Variants in LRP1B observed in about 807,000 individuals in gnomAD.
LRP1B encodes the protein LDL receptor related protein 1B.
Under a neutral mutation model 556.6 loss-of-function variants are expected in LRP1B, and 217 were observed. The ratio of observed to expected loss-of-function variants is 0.39; its 90% CI spans 0.35 to 0.44. The LOEUF (loss-of-function observed/expected upper bound fraction) is 0.44, where lower values mean the gene tolerates loss of function less well. Ranked by LOEUF, LRP1B falls within the 20% of genes least tolerant of loss-of-function variation. LRP1B has a pLI of 1.00. For synonymous variants in LRP1B, 2,047 were observed against 1,865.8 expected (o/e 1.10, Z -2.50); for missense variants, 5,053 against 5,620.8 (o/e 0.90, Z 3.23).
At chr2:141,969,016 T>A (rs1701645159) in intron 1 of LRP1B, among the ~76,000 whole-genome samples, 1 of 151,598 alleles carries the variant, frequency 6.6e-6, no homozygotes, top group Non-Finnish European at 1.5e-5. Flanking sequence ...CATACATTCA[T>A]GCATTCAATC....
intron 2 of LRP1B, among the ~76,000 whole-genome samples, chr2:141,516,539 T>C (rs568787712): frequency 6.6e-6 from 1 of 152,272 alleles, no homozygotes; most frequent in Non-Finnish European, 1.5e-5. Flanking sequence ...CTCAATCCAA[T>C]ATGATTTGTT....
chr2:141,324,543 G>A (rs189523693), intron 3 of LRP1B, among the ~76,000 whole-genome samples: 27 of 152,166 alleles, frequency 1.8e-4, no homozygotes, highest in African/African-American at 6.5e-4. Flanking sequence ...ATTTAGATCA[G>A]ATTAAGAGGA....
At chr2:141,957,297 A>C (rs1701281166) in intron 1 of LRP1B, among the ~76,000 whole-genome samples, 1 of 149,432 alleles carries the variant, frequency 6.7e-6, no homozygotes, top group Non-Finnish European at 1.5e-5. Flanking sequence ...GCTGAATATC[A>C]GAATCACTTG....
intron 11 of LRP1B, among the ~76,000 whole-genome samples, chr2:141,024,106 A>AAAT (rs1457679041): frequency 6.6e-6 from 1 of 152,034 alleles, no homozygotes; most frequent in Non-Finnish European, 1.5e-5. Flanking sequence ...CTGAGGCCAT[A>AAAT]AATAGCTCAT....
chr2:141,432,082 T>C (rs1680582154), intron 3 of LRP1B, among the ~76,000 whole-genome samples: 1 of 152,156 alleles, frequency 6.6e-6, no homozygotes, highest in Non-Finnish European at 1.5e-5. Context: ...ACCAAGTATG[T>C]TGTCACCTGT....
intron 3 of LRP1B, among the ~76,000 whole-genome samples, chr2:141,323,756 G>A (rs1415147734): frequency 6.6e-6 from 1 of 151,904 alleles, no homozygotes; most frequent in Admixed American, 6.6e-5. Flanking sequence ...TAGTTTTCTG[G>A]TCCAGTGGAG....
chr2:142,111,910 A>G (rs1360980705), intron 1 of LRP1B, among the ~76,000 whole-genome samples: 1 of 152,148 alleles, frequency 6.6e-6, no homozygotes, highest in Non-Finnish European at 1.5e-5. Context: ...CATTTTATAG[A>G]TAAGAAAATA....
At chr2:141,368,205 A>C (rs144144700) in intron 3 of LRP1B, among the ~76,000 whole-genome samples, 1 of 152,294 alleles carries the variant, frequency 6.6e-6, no homozygotes, top group East Asian at 1.9e-4. Flanking sequence ...TGAATTGTGG[A>C]ATGTCTTAAG....
chr2:140,418,005 A>T (rs76777828), intron 66 of LRP1B, among the ~76,000 whole-genome samples: 2,955 of 152,280 alleles, frequency 0.019, 46 homozygotes, highest in Non-Finnish European at 0.023. Context: ...AACTTCAGAG[A>T]TTTCTTTTAG....
At chr2:141,629,096 AT>A (rs1422515789) in intron 2 of LRP1B, among the ~76,000 whole-genome samples, 1 of 152,108 alleles carries the variant, frequency 6.6e-6, no homozygotes. Context: ...TCTAAGGGCT[AT>A]TTTTTTTCCA....
At chr2:140,909,739 T>C (rs1694361187) in intron 21 of LRP1B, among the ~76,000 whole-genome samples, 1 of 150,862 alleles carries the variant, frequency 6.6e-6, no homozygotes, top group South Asian at 2.1e-4. Flanking sequence ...AATTATAAAA[T>C]CAATTAAAAT....
At chr2:141,919,669 C>T (rs1178691757) in intron 1 of LRP1B, among the ~76,000 whole-genome samples, 1 of 151,928 alleles carries the variant, frequency 6.6e-6, no homozygotes, top group African/African-American at 2.4e-5. Flanking sequence ...GGCATGACAG[C>T]ATTAATAATG....
chr2:141,175,252 G>A (rs183442833), intron 7 of LRP1B, among the ~76,000 whole-genome samples: 92 of 152,222 alleles, frequency 6.0e-4, no homozygotes, highest in Admixed American at 3.8e-3. Context: ...TTTCTGGGGA[G>A]AAATGCAAGG....
intron 3 of LRP1B, among the ~76,000 whole-genome samples, chr2:141,278,113 A>C (rs1424912731): frequency 6.6e-6 from 1 of 152,168 alleles, no homozygotes. Context: ...AGTTGTCTCA[A>C]ATTTCCTTTC....
chr2:140,657,349 G>A (rs1005890140), intron 41 of LRP1B, among the ~76,000 whole-genome samples: 1 of 151,874 alleles, frequency 6.6e-6, no homozygotes, highest in East Asian at 1.9e-4. Context: ...AGAAAGAGAG[G>A]CCCAGAAACT....
At chr2:141,416,720 A>G (rs1691122410) in intron 3 of LRP1B, among the ~76,000 whole-genome samples, 1 of 152,036 alleles carries the variant, frequency 6.6e-6, no homozygotes, top group African/African-American at 2.4e-5. Context: ...CTCCCAAAGT[A>G]GACAGCTATT....
chr2:141,467,476 A>G (rs1478296897), intron 3 of LRP1B, among the ~76,000 whole-genome samples: 1 of 152,168 alleles, frequency 6.6e-6, no homozygotes, highest in African/African-American at 2.4e-5. Context: ...ATGTAACTAA[A>G]AATGGTTATT....
intron 1 of LRP1B, among the ~76,000 whole-genome samples, chr2:142,013,084 A>G (rs1309428160): frequency 1.3e-5 from 2 of 152,224 alleles, no homozygotes; most frequent in African/African-American, 4.8e-5. Context: ...CTATGTGTCA[A>G]TCATTGTGCT....
At chr2:141,222,250 A>G (rs531192896) in intron 6 of LRP1B, among the ~76,000 whole-genome samples, 32 of 152,360 alleles carry the variant, frequency 2.1e-4, no homozygotes, top group African/African-American at 7.7e-4. Context: ...ATCAGTGAAT[A>G]CTATCAACAC....
Sources: gnomAD v4.1 joint callset for allele counts (sites outside exome capture counted in the v4.1 genomes callset) on GRCh38, gnomAD v4.1.1 for gene constraint, MANE v1.5 for transcripts, NCBI Gene and HGNC (gene_info 2026-07-23, HGNC 2026-07-21) for gene names.